PHACTR3: variants seen among roughly 807,000 people sequenced by gnomAD.
PHACTR3 encodes protein phosphatase 1, regulatory subunit 123.
Under a neutral mutation model 66.8 loss-of-function variants are expected in PHACTR3, and 16 were observed. The observed-to-expected ratio is 0.24, with a 90% CI of 0.16 to 0.36. The LOEUF (loss-of-function observed/expected upper bound fraction) is 0.36, where lower values mean the gene tolerates loss of function less well. PHACTR3 is among the 10% of genes least tolerant of loss of function. The probability of loss-of-function intolerance (pLI) is 1.00; values close to 1 mark genes in which losing one functional copy is unlikely to be tolerated. For synonymous variants in PHACTR3, 323 were observed against 292.1 expected (o/e 1.11, Z -1.08); for missense variants, 647 against 719.9 (o/e 0.90, Z 1.16).
chr20:59,687,996 C>G (rs564923114), intron 1 of PHACTR3, among the ~76,000 whole-genome samples: 1 of 152,248 alleles, frequency 6.6e-6, no homozygotes, highest in East Asian at 1.9e-4. Flanking sequence ...GATGATTTCT[C>G]TTTTCTAACA....
intron 4 of PHACTR3, among the ~76,000 whole-genome samples, chr20:59,763,483 T>G (rs192067750): frequency 6.6e-6 from 1 of 152,292 alleles, no homozygotes; most frequent in East Asian, 1.9e-4. Flanking sequence ...GATGGGTTGA[T>G]GGTTGAATGA....
chr20:59,710,670 A>AACTGCATC (rs1454472970), intron 1 of PHACTR3, among the ~76,000 whole-genome samples: 4 of 151,704 alleles, frequency 2.6e-5, no homozygotes, highest in African/African-American at 9.7e-5. Flanking sequence ...CCTAAATTCC[A>AACTGCATC]ACTGCATCTT....
At chr20:59,681,442 G>C (rs766526443) in intron 1 of PHACTR3, among the ~76,000 whole-genome samples, 1 of 152,098 alleles carries the variant, frequency 6.6e-6, no homozygotes, top group African/African-American at 2.4e-5. Flanking sequence ...CCACCCCAGG[G>C]TCTCTAGAGG....
rs552400699 is a variant in PHACTR3, at chr20:59,812,743, G to A, written c.1328+6549G>A. Among the ~76,000 whole-genome samples the A allele has an allele frequency of 1.2e-4, 18 of 152,322 alleles. No homozygotes were observed. In the South Asian group the frequency reaches 3.3e-3, roughly 28 times the overall value. On this transcript the variant is annotated intron_variant, in intron 8 of 12. Transcript: ENST00000371015. ...TAAATTTCAGACACGTGGAAGCGGG[G>A]GAGGAATCAGCTTCCAATGCCAGCC... is the stretch of plus-strand genomic sequence containing the variant.
At chr20:59,590,434 C>G (rs1048784081) in intron 1 of PHACTR3, among the ~76,000 whole-genome samples, 1 of 152,176 alleles carries the variant, frequency 6.6e-6, no homozygotes, top group East Asian at 1.9e-4. Flanking sequence ...TCCTGGTTGC[C>G]GGTTTCAGTC....
intron 4 of PHACTR3, among the ~76,000 whole-genome samples, chr20:59,763,727 CTGGGG>C (rs1034990291): frequency 6.6e-6 from 1 of 152,168 alleles, no homozygotes; most frequent in African/African-American, 2.4e-5. Flanking sequence ...GGCCTTCATC[CTGGGG>C]CAGCCCAGGT....
intron 1 of PHACTR3, among the ~76,000 whole-genome samples, chr20:59,644,080 A>G (rs1214848054): frequency 6.6e-6 from 1 of 152,166 alleles, no homozygotes; most frequent in Admixed American, 6.5e-5. Context: ...ACACACTGAG[A>G]AACTGCTAAA....
At chr20:59,635,108 T>TTTCG (rs1256817204) in intron 1 of PHACTR3, among the ~76,000 whole-genome samples, 1 of 59,824 alleles carries the variant, frequency 1.7e-5, no homozygotes, top group Non-Finnish European at 3.4e-5. Context: ...TCTCTCTTTC[T>TTTCG]TTCTTTCTTT....
At chr20:59,741,175 G>A (rs945309227) in intron 1 of PHACTR3, among the ~76,000 whole-genome samples, 3 of 152,224 alleles carry the variant, frequency 2.0e-5, no homozygotes, top group South Asian at 4.1e-4. Flanking sequence ...ATGCTTCCTG[G>A]GGCTCTGAGG....
intron 1 of PHACTR3, among the ~76,000 whole-genome samples, chr20:59,731,175 C>G (rs886547141): frequency 3.3e-5 from 5 of 152,136 alleles, no homozygotes; most frequent in African/African-American, 1.2e-4. Context: ...TATTATTTCT[C>G]TAAATTTCTA....
rs13044600 is a variant in PHACTR3, at chr20:59,610,423, C to A, written c.118+5291C>A. Among the ~76,000 whole-genome samples the A allele has an allele frequency of 5.6e-3, 856 of 152,352 alleles. 8 individuals are homozygous for A. The highest frequency in any genetic ancestry group is 8.2e-3 in the Non-Finnish European group (555 of 68,024). On this transcript the variant is annotated intron_variant, in intron 1 of 12. Coordinates refer to ENST00000371015, the MANE Select transcript of PHACTR3 (RefSeq NM_080672.5). The stretch of plus-strand genomic sequence containing the variant: ...GGCCCAGGGGCACCGTCCAGCCTCA[C>A]CTGCCTTCCTCATGGTCACAGGAAC...
intron 4 of PHACTR3, among the ~76,000 whole-genome samples, chr20:59,764,671 A>C (rs1207274554): frequency 6.6e-6 from 1 of 152,184 alleles, no homozygotes; most frequent in Non-Finnish European, 1.5e-5. Context: ...TGTCTCCCAA[A>C]AGCAGGACTT....
intron 1 of PHACTR3, among the ~76,000 whole-genome samples, chr20:59,709,704 A>G (rs1011713763): frequency 3.3e-5 from 5 of 152,160 alleles, no homozygotes; most frequent in Non-Finnish European, 7.3e-5. Context: ...TTAGGAAGAA[A>G]TTAGATTTTT....
chr20:59,794,987 G>T (rs1320963870), intron 7 of PHACTR3, among the ~76,000 whole-genome samples: 1 of 151,740 alleles, frequency 6.6e-6, no homozygotes, highest in Non-Finnish European at 1.5e-5. Flanking sequence ...GTATTTTCTA[G>T]TCTTTATTTT....
At chr20:59,656,983 TTACAA>T (rs1193464217) in intron 1 of PHACTR3, among the ~76,000 whole-genome samples, 3 of 152,062 alleles carry the variant, frequency 2.0e-5, no homozygotes, top group East Asian at 1.9e-4. Flanking sequence ...GCTACAAACT[TTACAA>T]TACATTGTTA....
intron 1 of PHACTR3, among the ~76,000 whole-genome samples, chr20:59,741,979 T>C (rs373261642): frequency 2.3e-4 from 35 of 152,294 alleles, no homozygotes; most frequent in East Asian, 1.2e-3. Context: ...GTCAGGCTGG[T>C]CTCGAACTCC....
chr20:59,636,295 T>A (rs1200268124), intron 1 of PHACTR3, among the ~76,000 whole-genome samples: 1 of 152,220 alleles, frequency 6.6e-6, no homozygotes, highest in Non-Finnish European at 1.5e-5. Context: ...ATAGCAGACT[T>A]TGATAGCACT....
At chr20:59,610,893 CTCA>C (rs764204855) in intron 1 of PHACTR3, among the ~76,000 whole-genome samples, 17 of 152,344 alleles carry the variant, frequency 1.1e-4, no homozygotes, top group Middle Eastern at 6.8e-3. Flanking sequence ...CCTCCCTAGT[CTCA>C]TCATCTCATC....
chr20:59,836,455 T>G (rs368287227), intron 8 of PHACTR3, 50 bp from the exon 9 acceptor site: 1 of 1,578,446 alleles, frequency 6.3e-7, no homozygotes, highest in Non-Finnish European at 8.6e-7. Context: ...CAGGTGGAAT[T>G]TGCAGGCAGC....
Sources: allele counts gnomAD v4.1 joint callset (sites outside exome capture counted in the v4.1 genomes callset), GRCh38; gene constraint gnomAD v4.1.1; transcripts MANE v1.5; gene names NCBI Gene and HGNC (gene_info 2026-07-23, HGNC 2026-07-21).